MREG: variants seen among roughly 807,000 people sequenced by gnomAD.
MREG encodes the protein melanoregulin, also known as dilute suppressor protein homolog.
In MREG, 31 loss-of-function variants were observed where a neutral mutation model predicts 28.5. The ratio of observed to expected loss-of-function variants is 1.09; its 90% CI spans 0.82 to 1.47. The LOEUF is 1.47. Among genes scored for constraint, MREG ranks in the 40% most tolerant of loss-of-function variants. The probability of loss-of-function intolerance (pLI) is 0.00; values close to 1 mark genes in which losing one functional copy is unlikely to be tolerated. For synonymous variants in MREG, 106 were observed against 95.2 expected (o/e 1.11, Z -0.66); for missense variants, 256 against 257.4 (o/e 0.99, Z 0.04).
At position 215,976,273 on chromosome 2, in the gene MREG, G is replaced by C. The variant is rs114047585; in HGVS notation, c.255+20033C>G. Among the ~76,000 whole-genome samples the C allele has an allele frequency of 8.5e-3, 1,295 of 152,232 alleles. 18 individuals carry two copies. The highest frequency in any genetic ancestry group is 0.03 in the African/African-American group (1,238 of 41,520). On this transcript the variant is annotated intron_variant, in intron 2 of 4. Coordinates refer to ENST00000263268, the MANE Select transcript of MREG (RefSeq NM_018000.3). ...TCTTGCCTTCTATTCCAAATCTGTT[G>C]GTTCTGTCTGGGTATCTGCCCAGCC... is the stretch of plus-strand genomic sequence containing the variant.
intron 2 of MREG, among the ~76,000 whole-genome samples, chr2:215,991,869 A>G (rs1693729831): frequency 6.6e-6 from 1 of 152,240 alleles, no homozygotes; most frequent in Non-Finnish European, 1.5e-5. Flanking sequence ...CCCTGAATAG[A>G]CCAATAACAA....
At chr2:215,940,294 G>A (rs1422376154), downstream of MREG, among the ~76,000 whole-genome samples, 1 of 152,152 alleles carries the variant, frequency 6.6e-6, no homozygotes, top group Non-Finnish European at 1.5e-5. Context: ...TTTTCATCCT[G>A]TACGTAGTTG....
chr2:216,025,773 G>A (rs964257769), intron 1 of MREG, among the ~76,000 whole-genome samples: 2 of 152,232 alleles, frequency 1.3e-5, no homozygotes, highest in Non-Finnish European at 2.9e-5. Context: ...GGAGGATCTA[G>A]AGCCCGTGAA....
intron 1 of MREG, among the ~76,000 whole-genome samples, chr2:216,022,600 C>A (rs1408784548): frequency 6.6e-6 from 1 of 152,202 alleles, no homozygotes; most frequent in African/African-American, 2.4e-5. Context: ...CAAACACTTT[C>A]CAGATGCCCA....
intron 1 of MREG, among the ~76,000 whole-genome samples, chr2:215,997,787 G>A (rs1451531015): frequency 6.6e-6 from 1 of 152,116 alleles, no homozygotes; most frequent in African/African-American, 2.4e-5. Flanking sequence ...CAGAGTTGCA[G>A]GCAGAGGAAA....
chr2:215,946,663 C>G (rs1692330118), intron 3 of MREG, among the ~76,000 whole-genome samples: 1 of 152,192 alleles, frequency 6.6e-6, no homozygotes, highest in African/African-American at 2.4e-5. Flanking sequence ...TTCTCCCAAC[C>G]TGCTTCATCT....
intron 2 of MREG, among the ~76,000 whole-genome samples, chr2:215,995,511 C>CCCCCCCCG (rs146414052): frequency 2.0e-4 from 27 of 136,172 alleles, no homozygotes; most frequent in African/African-American, 8.0e-4. Context: ...CCCACCCCAC[C>CCCCCCCCG]CCCCGCCACC....
At chr2:216,032,837 A>G (rs1324159365) in exon 1 of MREG, 1 of 152,218 alleles carries the variant, frequency 6.6e-6, no homozygotes, top group Non-Finnish European at 1.5e-5. Flanking sequence ...TCTTATTTCA[A>G]TAGATGCCTT....
chr2:216,015,544 A>G (rs1348978135), upstream of MREG, among the ~76,000 whole-genome samples: 1 of 152,198 alleles, frequency 6.6e-6, no homozygotes, highest in Non-Finnish European at 1.5e-5. Context: ...GAAAATCTTC[A>G]GAGGTTTTTG....
rs1692411061 is a variant in MREG, at chr2:215,949,087, CT to C, written c.256-1975del. 1.4e-3 allele frequency among the ~76,000 whole-genome samples: 178 copies of C among 124,592 alleles called. 3 individuals are homozygous for C. Among genetic ancestry groups the C allele is most frequent in the Admixed American group, 3.0e-3 (35 of 11,518 alleles). The allele number at this position is 124,592 out of a possible 152,430, so 81.7% of individuals were successfully genotyped here. ...ACTACTACTACTACTACTACTACTA[CT>C]AATAATAATAATAATAATACAAAAA... On this transcript the variant is annotated intron_variant, in intron 2 of 4. Coordinates refer to ENST00000263268, the MANE Select transcript of MREG (RefSeq NM_018000.3).
At chr2:216,019,313 T>C (rs1359248614) in intron 1 of MREG, among the ~76,000 whole-genome samples, 2 of 152,110 alleles carry the variant, frequency 1.3e-5, no homozygotes, top group Non-Finnish European at 2.9e-5. Context: ...AGCGAGCTAA[T>C]CCTGAAAAAA....
intron 2 of MREG, among the ~76,000 whole-genome samples, chr2:215,960,187 C>G (rs921114706): frequency 7.9e-5 from 12 of 152,172 alleles, no homozygotes; most frequent in African/African-American, 2.9e-4. Flanking sequence ...GAACTCCTGA[C>G]CTCACGATCC....
At chr2:216,012,914 T>C (rs1237218233) in intron 1 of MREG, among the ~76,000 whole-genome samples, 3 of 152,216 alleles carry the variant, frequency 2.0e-5, no homozygotes, top group African/African-American at 7.2e-5. Context: ...TTGTATTTTA[T>C]CAGACCCCTA....
At chr2:215,991,155 C>G (rs892989169) in intron 2 of MREG, among the ~76,000 whole-genome samples, 4 of 152,204 alleles carry the variant, frequency 2.6e-5, no homozygotes, top group African/African-American at 9.7e-5. Context: ...GTAAAACACT[C>G]CTCAGCAAAT....
intron 1 of MREG, among the ~76,000 whole-genome samples, chr2:216,023,759 C>T (rs985093903): frequency 6.6e-6 from 1 of 152,162 alleles, no homozygotes; most frequent in Non-Finnish European, 1.5e-5. Flanking sequence ...CCTCTGCCTC[C>T]AGGGTTGAAG....
intron 2 of MREG, among the ~76,000 whole-genome samples, chr2:215,970,688 G>A (rs546754997): frequency 3.9e-5 from 6 of 152,298 alleles, no homozygotes; most frequent in South Asian, 2.1e-4. Context: ...TCAGTTTTAC[G>A]AACTGTAGAG....
At chr2:216,022,247 GTC>G (rs1483643749) in intron 1 of MREG, among the ~76,000 whole-genome samples, 1 of 152,036 alleles carries the variant, frequency 6.6e-6, no homozygotes, top group African/African-American at 2.4e-5. Flanking sequence ...GCAAAACTCT[GTC>G]TCAAAAAATA....
chr2:215,943,838 CAAA>C lies in MREG; in HGVS notation c.*1022_*1024del, dbSNP rs1172682973. 8.5e-5 allele frequency: 4 copies of C among 47,208 alleles called. No individual in the cohort carries two copies. Among genetic ancestry groups the C allele is most frequent in the Admixed American group, 3.7e-4 (1 of 2,698 alleles). 2.9% of individuals were successfully genotyped at this position (47,208 alleles called of 1,614,324 possible). Reference sequence around the variant, plus strand: ...CCTGGGCGACAGAGCGAGAGTCCATCAAAAAAAAAAAAAAAAAAAAAAAGAGCG... The same window carrying C: ...CCTGGGCGACAGAGCGAGAGTCCATCAAAAAAAAAAAAAAAAAAAAGAGCG... On this transcript the variant is annotated 3_prime_UTR_variant, in exon 5 of 5. Coordinates refer to ENST00000263268, the MANE Select transcript of MREG (RefSeq NM_018000.3).
intron 2 of MREG, among the ~76,000 whole-genome samples, chr2:215,993,445 T>C (rs1300625444): frequency 6.6e-6 from 1 of 152,118 alleles, no homozygotes; most frequent in Non-Finnish European, 1.5e-5. Context: ...GACTTAAACA[T>C]AAGACCTAAA....
Sources: allele counts gnomAD v4.1 joint callset (sites outside exome capture counted in the v4.1 genomes callset), GRCh38; gene constraint gnomAD v4.1.1; transcripts MANE v1.5; gene names NCBI Gene and HGNC (gene_info 2026-07-23, HGNC 2026-07-21).